ADCY5: variants seen among roughly 807,000 people sequenced by gnomAD.
The protein encoded by ADCY5 is adenylate cyclase 5, also known as adenylate cyclase type 5.
ADCY5 carries 30 observed loss-of-function variants against 119.7 expected under a neutral mutation model. The ratio of observed to expected loss-of-function variants is 0.25; its 90% CI spans 0.19 to 0.34. The LOEUF is 0.34. Among genes scored for constraint, ADCY5 ranks in the 10% least tolerant of loss-of-function variants. The probability of loss-of-function intolerance (pLI) is 1.00; values close to 1 mark genes in which losing one functional copy is unlikely to be tolerated. For missense variants in ADCY5, 1,324 were observed against 1,775.2 expected, an observed-to-expected ratio of 0.75 and a Z score of 4.57; for synonymous variants, 753 against 762.2, an observed-to-expected ratio of 0.99 and a Z score of 0.20.
chr3:123,345,753 G>GAC (rs1942505800), intron 3 of ADCY5, among the ~76,000 whole-genome samples: 2 of 33,666 alleles, frequency 5.9e-5, no homozygotes, highest in African/African-American at 1.3e-4. Context: ...CAGACAGACA[G>GAC]ACAGACAGAC....
rs762875580 is a variant in ADCY5 at position 123,284,591 on chromosome 3, C to T, written c.*17G>A. The T allele has an allele frequency of 3.1e-6, 5 of 1,613,986 alleles. No individual in the cohort carries two copies. In the South Asian group the frequency reaches 5.5e-5, roughly 18 times the overall value. ...CCTCTGGAGGCCAGGCTGCCTGGCA[C>T]CATTGGCCAACAGCTGCTAACTGAG... On this transcript the variant is annotated 3_prime_UTR_variant, in exon 21 of 21. Transcript: ENST00000462833.
At chr3:123,388,157 T>C (rs1272992283) in intron 1 of ADCY5, among the ~76,000 whole-genome samples, 1 of 152,158 alleles carries the variant, frequency 6.6e-6, no homozygotes, top group Non-Finnish European at 1.5e-5. Flanking sequence ...AATGTCGCAT[T>C]ACAGCTGTAT....
intron 1 of ADCY5, among the ~76,000 whole-genome samples, chr3:123,427,013 T>C (rs941898974): frequency 2.2e-4 from 34 of 152,176 alleles, no homozygotes; most frequent in African/African-American, 7.7e-4. Context: ...AGAGGTGATA[T>C]CTGGTTCCCC....
At position 123,332,604 on chromosome 3, in the gene ADCY5, G is replaced by C; in HGVS notation, c.1478C>G (p.Thr493Ser). ...AAAGCGGGCGAAGAGCTCGTTGAGG[G>C]TCATGACCAGTTCCTGTGCAGTGCA... ...SQCTAQELVM[T>S]LNELFARFDK... Residue 493 changes from threonine to serine, a missense_variant, in exon 4 of 21, where the codon ACC becomes AGC. Physicochemically the swap from Thr to Ser is moderately conservative, Grantham distance 58. Around this residue, in one of 6 missense-constraint regions of ADCY5, gnomAD observed 123 missense variants for 287.9 expected, o/e 0.43. Coordinates refer to ENST00000462833, the MANE Select transcript of ADCY5 (RefSeq NM_183357.3). The C allele has an allele frequency of 6.2e-7, 1 of 1,613,824 alleles. No individual in the cohort carries two copies. The highest frequency in any genetic ancestry group is 8.5e-7 in the Non-Finnish European group (1 of 1,179,892).
In ADCY5 at chr3:123,304,117, C is replaced by T; in HGVS notation, c.2509G>A (p.Val837Ile). 6.2e-7 allele frequency: 1 copy of T among 1,613,826 alleles called. No homozygotes were observed. Among genetic ancestry groups the T allele is most frequent in the Non-Finnish European group, 8.5e-7 (1 of 1,179,958 alleles). ...ACCAGGGTGATGGTGAACACCCCAA[C>T]CAGGGTGCTGTTCATCTTGGACCGC... ...IVRSKMNSTL[V>I]GVFTITLVFL... Residue 837 changes from valine (V) to isoleucine (I), a missense_variant, in exon 13 of 21, where the codon GTT becomes ATT. Physicochemically the swap from Val to Ile is conservative, Grantham distance 29. Transcript: ENST00000462833.
chr3:123,365,979 T>C (rs1385924048), intron 1 of ADCY5, among the ~76,000 whole-genome samples: 1 of 152,180 alleles, frequency 6.6e-6, no homozygotes, highest in Non-Finnish European at 1.5e-5. Context: ...TAGCCACACA[T>C]GGCTAGGAAC....
At chr3:123,423,505 C>G (rs1298621749) in intron 1 of ADCY5, among the ~76,000 whole-genome samples, 7 of 152,152 alleles carry the variant, frequency 4.6e-5, no homozygotes, top group African/African-American at 1.7e-4. Context: ...GAAACTGGGT[C>G]CTGATGGGAG....
intron 1 of ADCY5, among the ~76,000 whole-genome samples, chr3:123,435,855 T>A (rs946948622): frequency 4.9e-5 from 3 of 61,362 alleles, no homozygotes; most frequent in South Asian, 4.6e-4. Context: ...AGCCCTTTTA[T>A]TATTATTATT....
At chr3:123,397,934 G>C (rs565419342) in intron 1 of ADCY5, among the ~76,000 whole-genome samples, 1 of 152,166 alleles carries the variant, frequency 6.6e-6, no homozygotes, top group African/African-American at 2.4e-5. Context: ...TGCTGGGAGA[G>C]TAAAGAGAGG....
chr3:123,414,423 G>C (rs1015025911), intron 1 of ADCY5, among the ~76,000 whole-genome samples: 2 of 152,204 alleles, frequency 1.3e-5, no homozygotes, highest in African/African-American at 4.8e-5. Context: ...ATGCTCCTCG[G>C]AAACCATACA....
At chr3:123,294,431 G>A (rs1208761806) in intron 17 of ADCY5, among the ~76,000 whole-genome samples, 3 of 152,242 alleles carry the variant, frequency 2.0e-5, no homozygotes, top group Non-Finnish European at 4.4e-5. Flanking sequence ...AAATCTGGCA[G>A]ATGCTGGTTG....
intron 1 of ADCY5, among the ~76,000 whole-genome samples, chr3:123,375,746 G>A (rs533449103): frequency 9.2e-5 from 14 of 152,366 alleles, no homozygotes; most frequent in Non-Finnish European, 2.1e-4. Context: ...TGTGGGGGAT[G>A]CTGGATAGGG....
rs991020410 is a variant in ADCY5, at chr3:123,295,985, C to T, written c.3063+99G>A. On this transcript the variant is annotated intron_variant, in intron 17 of 20. Coordinates refer to ENST00000462833, the MANE Select transcript of ADCY5 (RefSeq NM_183357.3). ...AGCAAGACAGCTTGACAGTGTAAGA[C>T]GAAGGCCCGGCTTGGCCTGGCCCAG... 27 of 1,526,818 alleles carry T rather than the reference C, an allele frequency of 1.8e-5. No individual in the cohort carries two copies. The Middle Eastern group carries it at 6.7e-4, about 38-fold the overall frequency. 94.6% of individuals were successfully genotyped at this position (1,526,818 alleles called of 1,614,324 possible).
intron 1 of ADCY5, among the ~76,000 whole-genome samples, chr3:123,435,698 G>A (rs886918181): frequency 6.6e-6 from 1 of 151,980 alleles, no homozygotes; most frequent in African/African-American, 2.4e-5. Context: ...GGCACAGAAA[G>A]CCACACATTT....
intron 1 of ADCY5, among the ~76,000 whole-genome samples, chr3:123,359,662 A>C (rs1943176421): frequency 6.6e-6 from 1 of 152,010 alleles, no homozygotes; most frequent in Non-Finnish European, 1.5e-5. Flanking sequence ...AGGCTGGACC[A>C]CCTCAGGGAC....
intron 1 of ADCY5, among the ~76,000 whole-genome samples, chr3:123,398,029 C>T (rs1419564518): frequency 2.6e-5 from 4 of 152,214 alleles, no homozygotes; most frequent in Non-Finnish European, 5.9e-5. Flanking sequence ...GACAAAGCTG[C>T]TCGCGGGTGT....
chr3:123,395,247 C>T (rs942407397), intron 1 of ADCY5, among the ~76,000 whole-genome samples: 2 of 152,188 alleles, frequency 1.3e-5, no homozygotes, highest in African/African-American at 4.8e-5. Flanking sequence ...AAATTGGTCT[C>T]CATGTGGCTC....
At chr3:123,370,375 T>C (rs1943594239) in intron 1 of ADCY5, among the ~76,000 whole-genome samples, 1 of 152,250 alleles carries the variant, frequency 6.6e-6, no homozygotes, top group Non-Finnish European at 1.5e-5. Context: ...ACACAGTCAC[T>C]GGGCACATGG....
At chr3:123,322,394 T>C (rs1941266402) in intron 8 of ADCY5, among the ~76,000 whole-genome samples, 2 of 152,234 alleles carry the variant, frequency 1.3e-5, no homozygotes, top group African/African-American at 2.4e-5. Flanking sequence ...GGACCCATTT[T>C]TTCTTCCTGT....
Sources: gnomAD v4.1 joint callset for allele counts (sites outside exome capture counted in the v4.1 genomes callset) on GRCh38, gnomAD v4.1.1 for gene constraint, gnomAD v4.1.1 regional missense constraint, MANE v1.5 for transcripts, NCBI Gene and HGNC (gene_info 2026-07-23, HGNC 2026-07-21) for gene names.